RGS6: variants seen among roughly 807,000 people sequenced by gnomAD.
RGS6 encodes regulator of G protein signaling 6.
RGS6 carries 30 observed loss-of-function variants against 78.5 expected under a neutral mutation model. That is an observed-to-expected ratio of 0.38 (90% CI 0.29 to 0.52). The LOEUF is 0.52. RGS6 is among the 20% of genes least tolerant of loss of function. The pLI, the probability that RGS6 is intolerant of heterozygous loss-of-function variation, is 0.85. For synonymous variants in RGS6, 206 were observed against 206.0 expected, an observed-to-expected ratio of 1.00 and a Z score of 0.00; for missense variants, 495 against 609.7, an observed-to-expected ratio of 0.81 and a Z score of 1.98.
intron 17 of RGS6, chr14:72,547,506 G>T: frequency 1.6e-6 from 1 of 644,368 alleles, no homozygotes; most frequent in East Asian, 2.8e-5. Flanking sequence ...ATTTTGGAAG[G>T]AGGCCAGGAT....
At chr14:72,441,568 G>A (rs866531356) in intron 3 of RGS6, among the ~76,000 whole-genome samples, 17 of 152,170 alleles carry the variant, frequency 1.1e-4, no homozygotes, top group Non-Finnish European at 1.0e-4. Context: ...CAGGGCCCTC[G>A]CCAGCCCTCA....
chr14:72,403,241 A>G (rs975636379), intron 3 of RGS6, among the ~76,000 whole-genome samples: 14 of 152,254 alleles, frequency 9.2e-5, no homozygotes, highest in African/African-American at 3.1e-4. Flanking sequence ...AAAGTGTGGT[A>G]TATTTATACA....
At chr14:71,887,082 G>A in the RGS6 span, among the ~76,000 whole-genome samples, 2 of 152,174 alleles carry the variant, frequency 1.3e-5, no homozygotes, top group East Asian at 1.9e-4. Context: ...GACCCCAAAC[G>A]GAGGGACCAG....
intron 2 of RGS6, among the ~76,000 whole-genome samples, chr14:72,140,578 G>A (rs1008160991): frequency 6.6e-6 from 1 of 152,222 alleles, no homozygotes; most frequent in African/African-American, 2.4e-5. Context: ...AGTGAAAAGG[G>A]CAGCAGTGAC....
Position 72,250,240 on chromosome 14 carries a change from TA to T in RGS6, c.85-101844del, listed in dbSNP as rs71448390. Among the ~76,000 whole-genome samples the T allele has an allele frequency of 2.0e-3, 289 of 144,798 alleles. 2 individuals carry two copies. Among genetic ancestry groups the T allele is most frequent in the South Asian group, 2.9e-3 (13 of 4,528 alleles). The allele number at this position is 144,798 out of a possible 152,430, so 95.0% of individuals were successfully genotyped here. ...ATGTACCCTAAAACTTAAACTATAA[TA>T]AAAAAAAAAAGTAACTGTGTTTTCT... On this transcript the variant is annotated intron_variant, in intron 2 of 17. Transcript: ENST00000553525.
chr14:72,364,784 A>G (rs893835969), intron 3 of RGS6, among the ~76,000 whole-genome samples: 7 of 152,346 alleles, frequency 4.6e-5, no homozygotes, highest in Non-Finnish European at 7.3e-5. Flanking sequence ...ATGGAGACCA[A>G]TGGCACGATG....
chr14:72,559,031 G>GA (rs2097631272), intron 17 of RGS6, among the ~76,000 whole-genome samples: 1 of 152,100 alleles, frequency 6.6e-6, no homozygotes, highest in African/African-American at 2.4e-5. Context: ...CTCACACCCT[G>GA]AAAAAAACCT....
intron 3 of RGS6, among the ~76,000 whole-genome samples, chr14:72,448,697 CACTA>C (rs971687390): frequency 2.9e-4 from 44 of 152,200 alleles, no homozygotes; most frequent in African/African-American, 1.0e-3. Flanking sequence ...TTATTATTAT[CACTA>C]AATTAATGCC....
intron 2 of RGS6, among the ~76,000 whole-genome samples, chr14:72,244,365 T>G (rs969366387): frequency 2.9e-4 from 44 of 152,058 alleles, no homozygotes; most frequent in African/African-American, 1.0e-3. Flanking sequence ...CACTTTCTAC[T>G]TCATCAAGAA....
rs558814941 is a variant in RGS6 at position 72,077,687 on chromosome 14, C to T, written c.84+112812C>T. Among the ~76,000 whole-genome samples the T allele has an allele frequency of 2.0e-4, 31 of 152,276 alleles. 1 individual carries two copies. In the South Asian group the frequency reaches 6.2e-3, roughly 31 times the overall value. Reference sequence around the variant, plus strand: ...ACTACTGCAGGCAACATACTTACATCTAAAGAACAAGCACACCTATTCTGC... The same window carrying T: ...ACTACTGCAGGCAACATACTTACATTTAAAGAACAAGCACACCTATTCTGC... On this transcript the variant is annotated intron_variant, in intron 2 of 17. Transcript: ENST00000553525.
intron 2 of RGS6, among the ~76,000 whole-genome samples, chr14:72,269,460 G>A (rs1182754378): frequency 6.6e-6 from 1 of 151,972 alleles, no homozygotes; most frequent in African/African-American, 2.4e-5. Context: ...CTTTGCCCAT[G>A]CTACTCCCTC....
the RGS6 span, among the ~76,000 whole-genome samples, chr14:71,904,622 A>G: frequency 6.6e-6 from 1 of 152,212 alleles, no homozygotes; most frequent in Non-Finnish European, 1.5e-5. Context: ...TTCCATTTCC[A>G]TGGGCCAAGA....
chr14:72,459,138 T>C (rs910006797), intron 5 of RGS6, among the ~76,000 whole-genome samples: 7 of 152,220 alleles, frequency 4.6e-5, no homozygotes, highest in Admixed American at 4.6e-4. Flanking sequence ...TGTTGCCTTC[T>C]CGGAGTGAAG....
intron 14 of RGS6, chr14:72,511,870 A>G (rs1030360471): frequency 6.6e-6 from 1 of 152,250 alleles, no homozygotes; most frequent in African/African-American, 2.4e-5. Context: ...GTGCTGAAGC[A>G]TGATTCCAAA....
At chr14:72,282,373 C>T (rs941677800) in intron 2 of RGS6, among the ~76,000 whole-genome samples, 2 of 152,138 alleles carry the variant, frequency 1.3e-5, no homozygotes, top group African/African-American at 2.4e-5. Context: ...AACAGGTTTC[C>T]GTGAACCATT....
intron 2 of RGS6, among the ~76,000 whole-genome samples, chr14:71,972,819 T>C (rs918083876): frequency 6.6e-6 from 1 of 152,018 alleles, no homozygotes; most frequent in African/African-American, 2.4e-5. Context: ...GCAACAGAAT[T>C]TGGGGGCTGA....
At chr14:72,320,661 A>G (rs1386935365) in intron 2 of RGS6, among the ~76,000 whole-genome samples, 1 of 151,684 alleles carries the variant, frequency 6.6e-6, no homozygotes, top group Non-Finnish European at 1.5e-5. Context: ...ACCATGGCAA[A>G]AGGATTTTCA....
chr14:72,383,174 G>GTACA (rs1410499076), intron 3 of RGS6, among the ~76,000 whole-genome samples: 1 of 24,568 alleles, frequency 4.1e-5, no homozygotes, highest in Admixed American at 5.9e-4. Context: ...TGAAAAAATT[G>GTACA]TACATATATA....
chr14:72,514,561 G>A (rs769848891), intron 14 of RGS6, among the ~76,000 whole-genome samples: 4 of 152,170 alleles, frequency 2.6e-5, no homozygotes, highest in Admixed American at 6.5e-5. Context: ...AGGCTGCCTC[G>A]CTCCAAAAGC....
Sources: gnomAD v4.1 joint callset for allele counts (sites outside exome capture counted in the v4.1 genomes callset) on GRCh38, gnomAD v4.1.1 for gene constraint, MANE v1.5 for transcripts, NCBI Gene and HGNC (gene_info 2026-07-23, HGNC 2026-07-21) for gene names.